CYP2C18: variants seen among roughly 807,000 people sequenced by gnomAD.
CYP2C18 encodes the protein cytochrome P450 2C18.
CYP2C18 carries 38 observed loss-of-function variants against 41.3 expected under a neutral mutation model. The ratio of observed to expected loss-of-function variants is 0.92; its 90% confidence interval spans 0.71 to 1.21. The LOEUF is 1.21. Ranked by LOEUF, CYP2C18 falls within the 50% of genes most tolerant of loss-of-function variation. The pLI is 0.00. For synonymous variants in CYP2C18, 236 were observed against 210.0 expected (o/e 1.12, Z -1.07); for missense variants, 635 against 591.4 (o/e 1.07, Z -0.77).
chr10:94,730,583 AG>A (rs1847814238), intron 7 of CYP2C18, among the ~76,000 whole-genome samples: 1 of 152,228 alleles, frequency 6.6e-6, no homozygotes, highest in Admixed American at 6.5e-5. Context: ...TAATAGCCAC[AG>A]GGATCTCTTT....
chr10:94,688,394 C>G (rs765383801), intron 3 of CYP2C18, 120 bp downstream of exon 3: 4 of 1,194,934 alleles, frequency 3.3e-6, no homozygotes, highest in Non-Finnish European at 4.6e-6. Flanking sequence ...GTTACATGCA[C>G]AGAATGTGTA....
rs753408877 is a variant in CYP2C18 at position 94,735,268 on chromosome 10, C to G, written c.1297C>G (p.Arg433Gly). 1 of 1,613,088 alleles carries G rather than the reference C, an allele frequency of 6.2e-7. No individual in the cohort carries two copies. Reference protein sequence around the residue: ...DYFMPFSAGKRMCMGEGLARM... With the variant: ...DYFMPFSAGKGMCMGEGLARM... Reference sequence around the variant, plus strand: ...CCTATGTCTCTTATTTTCAGGAAAACGGATGTGTATGGGAGAGGGCCTGGC... The same window carrying G: ...CCTATGTCTCTTATTTTCAGGAAAAGGGATGTGTATGGGAGAGGGCCTGGC... Residue 433 changes from arginine (R) to glycine (G), a missense_variant, in exon 9 of 9, where the codon CGG (arginine) becomes GGG (glycine). By Grantham distance (125) the Arg-to-Gly change is moderately radical. Transcript: ENST00000285979.
rs769659594 is a variant in CYP2C18, at chr10:94,724,420, C to A, written c.1036C>A (p.Pro346Thr). The A allele has an allele frequency of 7.4e-6, 12 of 1,613,532 alleles. No homozygotes were observed. In the South Asian group the frequency reaches 9.9e-5, roughly 13 times the overall value. Reference protein sequence around the residue: ...SPCMQDRSHMPYTDAVVHEIQ... With the variant: ...SPCMQDRSHMTYTDAVVHEIQ... ...CTGTATGCAGGACAGGAGTCACATGCCCTACACAGATGCTGTGGTGCACGA... is the reference window on the plus strand; with the variant it reads ...CTGTATGCAGGACAGGAGTCACATGACCTACACAGATGCTGTGGTGCACGA... The change falls in exon 7 of 9, where the codon CCC becomes ACC. Residue 346 changes from proline (P) to threonine (T), a missense_variant. Transcript: ENST00000285979.
At chr10:94,693,315 C>A (rs1847047808) in intron 3 of CYP2C18, among the ~76,000 whole-genome samples, 1 of 152,120 alleles carries the variant, frequency 6.6e-6, no homozygotes, top group Non-Finnish European at 1.5e-5. Flanking sequence ...AAGTGTGTAG[C>A]ACCTCCCACC....
chr10:94,702,383 G>A (rs1266543594), intron 4 of CYP2C18, among the ~76,000 whole-genome samples: 5 of 152,044 alleles, frequency 3.3e-5, no homozygotes, highest in Non-Finnish European at 5.9e-5. Flanking sequence ...TCAAACATAT[G>A]TTTGGTCTTT....
At chr10:94,694,770 A>G (rs1421803742) in intron 3 of CYP2C18, 147 bp from the exon 4 acceptor site, 1 of 860,254 alleles carries the variant, frequency 1.2e-6, no homozygotes, top group Admixed American at 3.1e-5. Flanking sequence ...GAGGTATTAA[A>G]TTTCAATATG....
intron 5 of CYP2C18, among the ~76,000 whole-genome samples, chr10:94,712,883 C>T (rs909410956): frequency 1.3e-5 from 2 of 152,146 alleles, no homozygotes; most frequent in Non-Finnish European, 2.9e-5. Context: ...GCCATTCTAA[C>T]AGATGTGAGG....
At chr10:94,721,189 A>G (rs1847639769) in intron 6 of CYP2C18, among the ~76,000 whole-genome samples, 1 of 151,932 alleles carries the variant, frequency 6.6e-6, no homozygotes, top group Non-Finnish European at 1.5e-5. Context: ...ATTATTTTGT[A>G]TTTTTAGTAG....
At chr10:94,702,695 G>A (rs1055645324) in intron 4 of CYP2C18, among the ~76,000 whole-genome samples, 3 of 151,816 alleles carry the variant, frequency 2.0e-5, no homozygotes, top group Non-Finnish European at 4.4e-5. Flanking sequence ...GAGCTTGGAG[G>A]AGTTTGTTAT....
intron 5 of CYP2C18, among the ~76,000 whole-genome samples, chr10:94,719,301 G>T (rs1415670129): frequency 3.3e-5 from 5 of 152,066 alleles, no homozygotes; most frequent in African/African-American, 1.2e-4. Context: ...CACATACAGG[G>T]TGTCATGTTG....
chr10:94,722,629 G>A (rs1364822576), intron 6 of CYP2C18, among the ~76,000 whole-genome samples: 2 of 151,958 alleles, frequency 1.3e-5, no homozygotes, highest in Non-Finnish European at 2.9e-5. Context: ...GAACATAGAG[G>A]GAGAATGAGG....
At chr10:94,700,380 G>C (rs1012053353) in intron 4 of CYP2C18, among the ~76,000 whole-genome samples, 1 of 152,178 alleles carries the variant, frequency 6.6e-6, no homozygotes, top group Non-Finnish European at 1.5e-5. Flanking sequence ...AATGGGGAGA[G>C]GATTCCCTAT....
At chr10:94,719,549 T>G (rs554788393) in intron 5 of CYP2C18, among the ~76,000 whole-genome samples, 1 of 152,004 alleles carries the variant, frequency 6.6e-6, no homozygotes, top group East Asian at 1.9e-4. Context: ...ACCACAGATA[T>G]GTGCAATTCA....
chr10:94,696,634 G>A (rs1847122245), intron 4 of CYP2C18, among the ~76,000 whole-genome samples: 1 of 152,202 alleles, frequency 6.6e-6, no homozygotes, highest in Non-Finnish European at 1.5e-5. Flanking sequence ...GACAGAGAAT[G>A]ACTTTGACGA....
chr10:94,716,665 G>T (rs969327638), intron 5 of CYP2C18, among the ~76,000 whole-genome samples: 1 of 152,124 alleles, frequency 6.6e-6, no homozygotes, highest in Non-Finnish European at 1.5e-5. Context: ...CTGTTGATTT[G>T]GGGTGGAGAG....
At chr10:94,699,551 C>T (rs992034687) in intron 4 of CYP2C18, among the ~76,000 whole-genome samples, 1 of 152,134 alleles carries the variant, frequency 6.6e-6, no homozygotes, top group East Asian at 1.9e-4. Flanking sequence ...GGAAGCATTC[C>T]CTTTGAAAAC....
chr10:94,687,962 A>G (rs1846922802), intron 2 of CYP2C18, 30 bp downstream of exon 2: 3 of 1,610,518 alleles, frequency 1.9e-6, no homozygotes, highest in African/African-American at 1.3e-5. Context: ...GTGTATGTGT[A>G]CATGTGTATG....
rs149759944 is a variant in CYP2C18 at position 94,698,241 on chromosome 10, C to T, written c.642+3164C>T. ...ACCACATAGTTGGAAGTAAAGCACT[C>T]CTCAGCAAATGTAAGAGAACAGAAA... is the stretch of plus-strand genomic sequence containing the variant. On this transcript the variant is annotated intron_variant, in intron 4 of 8. Coordinates refer to ENST00000285979, the MANE Select transcript of CYP2C18 (RefSeq NM_000772.3). 8.4e-3 allele frequency among the ~76,000 whole-genome samples: 1,284 copies of T among 152,266 alleles called. 22 individuals are homozygous for T. Among genetic ancestry groups the T allele is most frequent in the East Asian group, 0.062 (319 of 5,186 alleles).
At chr10:94,690,505 A>G (rs1158996279) in intron 3 of CYP2C18, among the ~76,000 whole-genome samples, 1 of 152,222 alleles carries the variant, frequency 6.6e-6, no homozygotes, top group Non-Finnish European at 1.5e-5. Flanking sequence ...ATCTCTGAAT[A>G]GACCAATAAC....
Sources: gnomAD v4.1 joint callset for allele counts (sites outside exome capture counted in the v4.1 genomes callset) on GRCh38, gnomAD v4.1.1 for gene constraint, MANE v1.5 for transcripts, NCBI Gene and HGNC (gene_info 2026-07-23, HGNC 2026-07-21) for gene names.